CSMD1: variants seen among roughly 807,000 people sequenced by gnomAD.
CSMD1 encodes the protein CUB and Sushi multiple domains 1, also known as CUB and sushi domain-containing protein 1.
In CSMD1, 213 loss-of-function variants were observed where a neutral mutation model predicts 417.5. The ratio of observed to expected loss-of-function variants is 0.51; its 90% CI spans 0.46 to 0.57. The LOEUF (loss-of-function observed/expected upper bound fraction) is 0.57. Ranked by LOEUF, CSMD1 falls within the 20% of genes least tolerant of loss-of-function variation. The pLI, the probability that CSMD1 is intolerant of heterozygous loss-of-function variation, is 0.00. For synonymous variants in CSMD1, 2,862 were observed against 1,736.8 expected (o/e 1.65, Z -16.11); for missense variants, 6,923 against 4,529.7 (o/e 1.53, Z -15.17).
chr8:3,537,296 C>T (rs761285100), intron 10 of CSMD1, among the ~76,000 whole-genome samples: 7 of 152,344 alleles, frequency 4.6e-5, no homozygotes, highest in East Asian at 1.9e-4. Flanking sequence ...AGCCATCATG[C>T]CCGGCCCGCA....
intron 2 of CSMD1, among the ~76,000 whole-genome samples, chr8:4,517,718 A>G (rs1186562773): frequency 6.6e-6 from 1 of 152,242 alleles, no homozygotes; most frequent in African/African-American, 2.4e-5. Context: ...TTAGTTTTAA[A>G]TAACTCGTTT....
At chr8:4,329,018 A>G (rs1799714722) in intron 3 of CSMD1, among the ~76,000 whole-genome samples, 1 of 152,192 alleles carries the variant, frequency 6.6e-6, no homozygotes, top group African/African-American at 2.4e-5. Context: ...GGCTTCCAAC[A>G]TCAATCTTCC....
chr8:4,096,934 C>T (rs536649683), intron 3 of CSMD1, among the ~76,000 whole-genome samples: 1 of 152,130 alleles, frequency 6.6e-6, no homozygotes, highest in African/African-American at 2.4e-5. Context: ...GCAAACACCC[C>T]AAAAACAAAC....
chr8:4,349,830 T>C (rs1800985866), intron 3 of CSMD1, among the ~76,000 whole-genome samples: 1 of 152,094 alleles, frequency 6.6e-6, no homozygotes, highest in African/African-American at 2.4e-5. Flanking sequence ...CTTTTTTTTT[T>C]TTTTTTAAGT....
intron 18 of CSMD1, among the ~76,000 whole-genome samples, chr8:3,370,192 A>G (rs759982139): frequency 2.6e-5 from 4 of 152,320 alleles, no homozygotes; most frequent in South Asian, 2.1e-4. Flanking sequence ...AGACATCAAG[A>G]GGAGAATATT....
chr8:3,044,975 T>A (rs1811339446), intron 50 of CSMD1, among the ~76,000 whole-genome samples: 1 of 152,230 alleles, frequency 6.6e-6, no homozygotes, highest in Non-Finnish European at 1.5e-5. Flanking sequence ...GTTTTATGCT[T>A]ACTCTGCCAG....
intron 15 of CSMD1, among the ~76,000 whole-genome samples, chr8:3,401,956 G>C (rs1812064261): frequency 7.2e-6 from 1 of 139,700 alleles, no homozygotes; most frequent in East Asian, 2.0e-4. Flanking sequence ...TTTCTTCTTT[G>C]CTTTTTTTTT....
At chr8:3,822,598 C>G (rs1801801224) in intron 5 of CSMD1, among the ~76,000 whole-genome samples, 1 of 152,136 alleles carries the variant, frequency 6.6e-6, no homozygotes, top group Admixed American at 6.5e-5. Flanking sequence ...ACTTTTTTCT[C>G]TGGGCACCAC....
At chr8:4,991,664 C>G (rs1375813740) in intron 1 of CSMD1, among the ~76,000 whole-genome samples, 1 of 152,056 alleles carries the variant, frequency 6.6e-6, no homozygotes, top group Non-Finnish European at 1.5e-5. Flanking sequence ...AGCGCGCTGC[C>G]GAGCCCCGGG....
At chr8:4,777,367 G>C (rs745782633) in intron 1 of CSMD1, among the ~76,000 whole-genome samples, 3 of 152,174 alleles carry the variant, frequency 2.0e-5, no homozygotes, top group African/African-American at 4.8e-5. Context: ...GTCTGGTTTT[G>C]AGCTTGGGGA....
rs1432805166 is a variant in CSMD1 at position 3,708,431 on chromosome 8, C to A, written c.992G>T (p.Ser331Ile). ...GGACTCACAGACAGAGTTTTTATGG[C>A]TTCCATCCTTGCTGGGCAGCATCTT... ...GVKMLPSKDGSHKNSVLSQGG... is the reference protein window; with the variant it reads ...GVKMLPSKDGIHKNSVLSQGG... The change falls in exon 7 of 70, where the codon AGC becomes ATC. Residue 331 changes from serine (S) to isoleucine (I), a missense_variant. Physicochemically the swap from Ser to Ile is moderately radical, Grantham distance 142. Coordinates refer to ENST00000635120, the MANE Select transcript of CSMD1 (RefSeq NM_033225.6). 5 of 1,613,898 alleles carry A rather than the reference C, an allele frequency of 3.1e-6. No homozygotes were observed. In the African/African-American group the frequency reaches 5.3e-5, roughly 17 times the overall value.
chr8:4,387,877 T>C (rs888838934), intron 3 of CSMD1, among the ~76,000 whole-genome samples: 2 of 152,142 alleles, frequency 1.3e-5, no homozygotes, highest in African/African-American at 4.8e-5. Flanking sequence ...AATGTCCTTA[T>C]TCCAAATCGT....
rs1905032 is a variant in CSMD1 at position 3,741,593 on chromosome 8, G to C, written c.931+12337C>G. ...TGACTTCAAGATTAACTGTTTGTTA[G>C]AACCTGAATTATTCAGTGCAAATAG... On this transcript the variant is annotated intron_variant, in intron 6 of 69. Coordinates refer to ENST00000635120, the MANE Select transcript of CSMD1 (RefSeq NM_033225.6). Among the ~76,000 whole-genome samples the C allele has an allele frequency of 9.9e-5, 15 of 152,120 alleles. 1 individual carries two copies. Among genetic ancestry groups the C allele is most frequent in the Non-Finnish European group, 1.9e-4 (13 of 68,024 alleles).
At chr8:4,750,335 A>C (rs1220787578) in intron 1 of CSMD1, among the ~76,000 whole-genome samples, 2 of 152,160 alleles carry the variant, frequency 1.3e-5, no homozygotes, top group African/African-American at 4.8e-5. Context: ...ACCTCTCTAG[A>C]AACTGCTGAA....
intron 5 of CSMD1, among the ~76,000 whole-genome samples, chr8:3,883,777 G>C (rs545372853): frequency 1.2e-4 from 18 of 152,142 alleles, no homozygotes; most frequent in Non-Finnish European, 2.2e-4. Context: ...CAGGGAAAAA[G>C]CAGCTTTTAA....
At chr8:4,339,361 A>G (rs922512504) in intron 3 of CSMD1, among the ~76,000 whole-genome samples, 1 of 152,122 alleles carries the variant, frequency 6.6e-6, no homozygotes, top group African/African-American at 2.4e-5. Flanking sequence ...CTGGTCAAAT[A>G]ATGAATCTAT....
intron 3 of CSMD1, among the ~76,000 whole-genome samples, chr8:4,052,606 A>C (rs1798490235): frequency 6.6e-6 from 1 of 152,176 alleles, no homozygotes. Context: ...ATATAATTTA[A>C]GTATTTAGAC....
rs1323596403 is a variant in CSMD1 at position 3,616,778 on chromosome 8, T to C, written c.1029A>G (p.Ala343=). 1 of 1,611,860 alleles carries C rather than the reference T, an allele frequency of 6.2e-7. No individual in the cohort carries two copies. The highest frequency in any genetic ancestry group is 1.3e-5 in the African/African-American group (1 of 74,990). Residue 343 remains alanine, a synonymous_variant, in exon 8 of 70, where the codon GCA becomes GCG. Coordinates refer to ENST00000635120, the MANE Select transcript of CSMD1 (RefSeq NM_033225.6). ...GATCTGGACACATGTCAGAGACCAA[T>C]GCAACACCTCCTTGGCTCACTGTAA... ...KNSVLSQGGV[A]LVSDMCPDPG... is the part of the protein sequence containing the mutation.
At chr8:4,671,848 G>A (rs1313860858) in intron 1 of CSMD1, among the ~76,000 whole-genome samples, 1 of 152,108 alleles carries the variant, frequency 6.6e-6, no homozygotes, top group Non-Finnish European at 1.5e-5. Flanking sequence ...TTTCATTTAT[G>A]CTTCATCTTT....
Sources: allele counts gnomAD v4.1 joint callset (sites outside exome capture counted in the v4.1 genomes callset), GRCh38; gene constraint gnomAD v4.1.1; transcripts MANE v1.5; gene names NCBI Gene and HGNC (gene_info 2026-07-23, HGNC 2026-07-21).